The following MAP1B variants were observed in gnomAD, a reference collection of about 807,000 sequenced individuals.
The protein encoded by MAP1B is microtubule-associated protein 1B.
A neutral mutation model predicts 176.1 loss-of-function variants in MAP1B; 12 were observed. The observed-to-expected ratio is 0.07, with a 90% CI of 0.04 to 0.11. The LOEUF (loss-of-function observed/expected upper bound fraction) is 0.11, where lower values mean the gene tolerates loss of function less well. Ranked by LOEUF, MAP1B falls within the 10% of genes least tolerant of loss-of-function variation. MAP1B has a pLI of 1.00. For synonymous variants in MAP1B, 1,044 were observed against 1,135.0 expected (o/e 0.92, Z 1.61); for missense variants, 2,523 against 2,990.5 (o/e 0.84, Z 3.65).
chr5:72,143,824 C>A (rs983131124), intron 2 of MAP1B, among the ~76,000 whole-genome samples: 1 of 152,250 alleles, frequency 6.6e-6, no homozygotes, highest in Admixed American at 6.5e-5. Context: ...GTAGCTAGAA[C>A]CACAGGTGTG....
At chr5:72,133,718 A>G (rs1014822757) in intron 2 of MAP1B, among the ~76,000 whole-genome samples, 2 of 152,250 alleles carry the variant, frequency 1.3e-5, no homozygotes, top group Non-Finnish European at 2.9e-5. Context: ...CTTAATAATG[A>G]TTAATGCTTT....
chr5:72,166,806 C>A (rs1031960466), intron 2 of MAP1B, among the ~76,000 whole-genome samples: 3 of 152,112 alleles, frequency 2.0e-5, no homozygotes, highest in Admixed American at 2.0e-4. Context: ...ACTTTGAGCT[C>A]GCAAGCTGAC....
chr5:72,168,906 A>G (rs1170711327), intron 2 of MAP1B, among the ~76,000 whole-genome samples: 1 of 152,232 alleles, frequency 6.6e-6, no homozygotes, highest in Non-Finnish European at 1.5e-5. Flanking sequence ...AATTAAATAT[A>G]TGGCCCAGAA....
At chr5:72,136,225 C>T (rs1010143429) in intron 2 of MAP1B, among the ~76,000 whole-genome samples, 5 of 152,164 alleles carry the variant, frequency 3.3e-5, no homozygotes, top group Non-Finnish European at 7.4e-5. Flanking sequence ...ATATTGCCCT[C>T]ATTTCCTCTA....
intron 2 of MAP1B, among the ~76,000 whole-genome samples, chr5:72,167,094 A>G (rs1746447670): frequency 6.6e-6 from 1 of 151,914 alleles, no homozygotes; most frequent in African/African-American, 2.4e-5. Flanking sequence ...AAATGCCAAA[A>G]TGCAGACATT....
At chr5:72,185,451 C>T (rs531442643) in intron 3 of MAP1B, among the ~76,000 whole-genome samples, 36 of 151,998 alleles carry the variant, frequency 2.4e-4, no homozygotes, top group Non-Finnish European at 3.4e-4. Context: ...AAAAATTAGC[C>T]GGGCATGGTG....
chr5:72,191,427 G>A lies in MAP1B; in HGVS notation c.511-2439G>A, dbSNP rs543940877. Reference sequence around the variant, plus strand: ...TGAATAAGCTTGGTCAGGTGCTGCCGTGGGCTGGCCACTCTTAAGACCCTG... The same window carrying A: ...TGAATAAGCTTGGTCAGGTGCTGCCATGGGCTGGCCACTCTTAAGACCCTG... On this transcript the variant is annotated intron_variant, in intron 4 of 6. Transcript: ENST00000296755. Among the ~76,000 whole-genome samples, 16 of 152,312 alleles carry A rather than the reference G, an allele frequency of 1.1e-4. No individual in the cohort carries two copies. The East Asian group carries it at 2.3e-3, about 22-fold the overall frequency.
At chr5:72,112,771 C>T (rs1004987776) in intron 1 of MAP1B, among the ~76,000 whole-genome samples, 2 of 152,174 alleles carry the variant, frequency 1.3e-5, no homozygotes, top group East Asian at 1.9e-4. Flanking sequence ...GTTATTCTGC[C>T]CCCACCTGGG....
At position 72,196,458 on chromosome 5, in the gene MAP1B, G is replaced by A. The variant is rs1747170821; in HGVS notation, c.3103G>A (p.Glu1035Lys). 1 of 1,613,808 alleles carries A rather than the reference G, an allele frequency of 6.2e-7. No individual in the cohort carries two copies. Among genetic ancestry groups the A allele is most frequent in the Non-Finnish European group, 8.5e-7 (1 of 1,180,022 alleles). Residue 1035 changes from glutamate to lysine, a missense_variant, in exon 5 of 7, where the codon GAG becomes AAG. This residue lies in a region of MAP1B where 1,925 missense variants were observed against 2,126.0 expected (regional missense o/e 0.91). Transcript: ENST00000296755. This position sits in a 1 kb window ranked among gnomAD's most constrained non-coding sequence, Gnocchi z 5.3. ...KAEDAREEEY[E>K]PEKMEAEDYV... ...TGAAGATGCCAGAGAGGAGGAATAT[G>A]AGCCGGAAAAAATGGAAGCTGAAGA...
intron 2 of MAP1B, among the ~76,000 whole-genome samples, chr5:72,150,546 A>G (rs2112165328): frequency 6.6e-6 from 1 of 152,334 alleles, no homozygotes; most frequent in Non-Finnish European, 1.5e-5. Context: ...CAGGTTTGTT[A>G]CATAGGTAAA....
At chr5:72,181,570 G>A (rs1279798509) in intron 2 of MAP1B, among the ~76,000 whole-genome samples, 1 of 151,964 alleles carries the variant, frequency 6.6e-6, no homozygotes, top group Non-Finnish European at 1.5e-5. Context: ...ATTTTATCAA[G>A]TTTTTGAGAC....
chr5:72,184,056 A>AT (rs1746838663), intron 3 of MAP1B, among the ~76,000 whole-genome samples: 1 of 152,136 alleles, frequency 6.6e-6, no homozygotes, highest in Non-Finnish European at 1.5e-5. Context: ...GAACTGTAAG[A>AT]TTTTGTCCAG....
chr5:72,169,071 G>A (rs987058730), intron 2 of MAP1B, among the ~76,000 whole-genome samples: 1 of 152,156 alleles, frequency 6.6e-6, no homozygotes, highest in African/African-American at 2.4e-5. Flanking sequence ...AATATGGTTT[G>A]GGGGCATACT....
At chr5:72,157,756 C>A (rs1166974792) in intron 2 of MAP1B, among the ~76,000 whole-genome samples, 1 of 152,238 alleles carries the variant, frequency 6.6e-6, no homozygotes, top group African/African-American at 2.4e-5. Context: ...CCAGTAATTG[C>A]TTCTGGACTG....
chr5:72,138,296 T>C (rs1241700992), intron 2 of MAP1B, among the ~76,000 whole-genome samples: 1 of 152,142 alleles, frequency 6.6e-6, no homozygotes, highest in African/African-American at 2.4e-5. Context: ...AACCTCTTTA[T>C]AAATTAAGGA....
At position 72,199,625 on chromosome 5, in the gene MAP1B, C is replaced by T; in HGVS notation, c.6270C>T (p.Tyr2090=). Residue 2090 remains tyrosine (Y), a synonymous_variant, in exon 5 of 7, where the codon TAC becomes TAT. Transcript: ENST00000296755. The surrounding 1 kb of genome is among the most constrained non-coding windows in gnomAD (Gnocchi z 4.2). ...TATGCCTCGTGTCCTCTTGTGAATA[C>T]AAGCACCCCAAGACAGAGCTTTCAC... The part of the protein sequence containing the change: ...VDLCLVSSCE[Y]KHPKTELSPS... 1.2e-6 allele frequency: 2 copies of T among 1,614,200 alleles called. No individual in the cohort carries two copies. The highest frequency in any genetic ancestry group is 1.6e-4 in the Middle Eastern group (1 of 6,062).
At chr5:72,155,732 G>A (rs937947305) in intron 2 of MAP1B, among the ~76,000 whole-genome samples, 4 of 150,362 alleles carry the variant, frequency 2.7e-5, no homozygotes, top group East Asian at 1.9e-4. Context: ...ATCTGAAAGC[G>A]TACAAGAGGT....
chr5:72,167,472 T>G (rs1746453339), intron 2 of MAP1B, among the ~76,000 whole-genome samples: 1 of 152,196 alleles, frequency 6.6e-6, no homozygotes, highest in Admixed American at 6.5e-5. Flanking sequence ...AGATGCAAAC[T>G]GGGGAAAGCA....
chr5:72,203,851 G>A (rs1561319960), intron 6 of MAP1B, 50 bp downstream of exon 6: 19 of 1,559,484 alleles, frequency 1.2e-5, no homozygotes, highest in Non-Finnish European at 1.5e-5. Context: ...TGTGTCCAGA[G>A]GCAATGGGAA....
Sources: gnomAD v4.1 joint callset for allele counts (sites outside exome capture counted in the v4.1 genomes callset) on GRCh38, gnomAD v4.1.1 for gene constraint, gnomAD v4.1.1 regional missense constraint, Gnocchi (gnomAD v3.1) non-coding constraint, MANE v1.5 for transcripts, NCBI Gene and HGNC (gene_info 2026-07-23, HGNC 2026-07-21) for gene names.